MAP3K20: variants seen among roughly 807,000 people sequenced by gnomAD.
MAP3K20 encodes HCCS-4.
A neutral mutation model predicts 85.7 loss-of-function variants in MAP3K20; 40 were observed. That is an observed-to-expected ratio of 0.47 (90% confidence interval 0.36 to 0.61). The LOEUF is 0.61. Ranked by LOEUF, MAP3K20 falls within the 20% of genes least tolerant of loss-of-function variation. The probability of loss-of-function intolerance (pLI) is 0.00; values close to 1 mark genes in which losing one functional copy is unlikely to be tolerated. For missense variants in MAP3K20, 817 were observed against 961.7 expected, an observed-to-expected ratio of 0.85 and a Z score of 1.99; for synonymous variants, 325 against 327.7, an observed-to-expected ratio of 0.99 and a Z score of 0.09.
intron 3 of MAP3K20, among the ~76,000 whole-genome samples, 173 bp from the exon 4 acceptor site, chr2:173,182,681 A>G (rs1199853343): frequency 6.6e-6 from 1 of 152,136 alleles, no homozygotes; most frequent in Admixed American, 6.6e-5. Context: ...TGTTTGACAG[A>G]TATTTTTCTG....
At chr2:173,099,859 C>A (rs755768493) in intron 2 of MAP3K20, among the ~76,000 whole-genome samples, 55 of 152,128 alleles carry the variant, frequency 3.6e-4, no homozygotes, top group Non-Finnish European at 6.3e-4. Context: ...AATGATAGTA[C>A]CCACATCATA....
intron 2 of MAP3K20, among the ~76,000 whole-genome samples, chr2:173,144,932 A>G (rs984003012): frequency 1.2e-4 from 19 of 152,244 alleles, no homozygotes; most frequent in Admixed American, 1.2e-3. Flanking sequence ...AGACCCAGAC[A>G]TATTATAATC....
intron 2 of MAP3K20, among the ~76,000 whole-genome samples, chr2:173,129,626 G>C (rs1175023806): frequency 6.6e-6 from 1 of 152,226 alleles, no homozygotes; most frequent in Non-Finnish European, 1.5e-5. Context: ...TGGGATCTGA[G>C]TCCTGGTCTG....
intron 2 of MAP3K20, among the ~76,000 whole-genome samples, chr2:173,127,902 G>C (rs1574038294): frequency 1.3e-5 from 2 of 152,192 alleles, no homozygotes. Context: ...TTATTGCCAG[G>C]ACGCAGGTGA....
At chr2:173,113,305 C>G (rs1304366675) in intron 2 of MAP3K20, among the ~76,000 whole-genome samples, 1 of 151,784 alleles carries the variant, frequency 6.6e-6, no homozygotes, top group Non-Finnish European at 1.5e-5. Context: ...TTAATCTTGC[C>G]AATGGTCTAT....
chr2:173,137,690 A>T (rs1476679923), intron 2 of MAP3K20, among the ~76,000 whole-genome samples: 1 of 152,196 alleles, frequency 6.6e-6, no homozygotes, highest in Non-Finnish European at 1.5e-5. Flanking sequence ...CAAAAAAGAA[A>T]AGGGAATCTA....
chr2:173,222,714 G>T, intron 11 of MAP3K20: 1 of 985,376 alleles, frequency 1.0e-6, no homozygotes, highest in Non-Finnish European at 1.2e-6. Flanking sequence ...CAAAAGCACA[G>T]GTCCTTTCCA....
At chr2:173,242,823 C>T (rs1350397707) in intron 16 of MAP3K20, among the ~76,000 whole-genome samples, 1 of 150,470 alleles carries the variant, frequency 6.6e-6, no homozygotes, top group African/African-American at 2.4e-5. Context: ...TCTCCTGCCT[C>T]AGCCTCCTGA....
intron 16 of MAP3K20, among the ~76,000 whole-genome samples, chr2:173,249,857 G>A (rs2106346305): frequency 6.6e-6 from 1 of 152,274 alleles, no homozygotes; most frequent in Admixed American, 6.5e-5. Flanking sequence ...AGTCAAGTGT[G>A]TAATGCATCA....
At chr2:173,146,287 G>A (rs1338815694) in intron 2 of MAP3K20, among the ~76,000 whole-genome samples, 1 of 151,752 alleles carries the variant, frequency 6.6e-6, no homozygotes, top group Non-Finnish European at 1.5e-5. Context: ...CTTTTAGAGG[G>A]ATTCTCCAGA....
At chr2:173,134,405 TATATA>T (rs1688721165) in intron 2 of MAP3K20, among the ~76,000 whole-genome samples, 2 of 9,700 alleles carry the variant, frequency 2.1e-4, no homozygotes, top group Non-Finnish European at 5.0e-4. Context: ...TATATATATA[TATATA>T]TATATATATA....
chr2:173,155,922 C>G (rs770912946), intron 2 of MAP3K20, among the ~76,000 whole-genome samples: 1 of 152,108 alleles, frequency 6.6e-6, no homozygotes, highest in Non-Finnish European at 1.5e-5. Context: ...GCCACTATAC[C>G]CAGCTTAAAA....
At chr2:173,098,856 C>T (rs957331085) in intron 2 of MAP3K20, among the ~76,000 whole-genome samples, 1 of 152,188 alleles carries the variant, frequency 6.6e-6, no homozygotes, top group Non-Finnish European at 1.5e-5. Flanking sequence ...CATTAAGCAT[C>T]ACCTGAGAAT....
chr2:173,152,567 C>CT (rs1045372363), intron 2 of MAP3K20, among the ~76,000 whole-genome samples: 35 of 152,134 alleles, frequency 2.3e-4, no homozygotes, highest in African/African-American at 8.2e-4. Flanking sequence ...TAAAGGAGCC[C>CT]TTTTAAAAAA....
intron 9 of MAP3K20, 106 bp from the exon 10 acceptor site, chr2:173,209,623 G>C: frequency 1.2e-6 from 1 of 851,796 alleles, no homozygotes; most frequent in Non-Finnish European, 1.8e-6. Flanking sequence ...GTTTTATTTT[G>C]TTATGGTGGG....
At chr2:173,236,325 G>C (rs531435308) in intron 14 of MAP3K20, among the ~76,000 whole-genome samples, 13 of 147,352 alleles carry the variant, frequency 8.8e-5, no homozygotes, top group East Asian at 4.0e-4. Context: ...TAAGCTTGCA[G>C]AGAAGCCAAG....
chr2:173,142,883 C>A (rs891977254), intron 2 of MAP3K20, among the ~76,000 whole-genome samples: 4 of 152,016 alleles, frequency 2.6e-5, no homozygotes, highest in Non-Finnish European at 5.9e-5. Context: ...AAGATCCAGC[C>A]AGGCACAGTG....
intron 2 of MAP3K20, among the ~76,000 whole-genome samples, chr2:173,130,424 G>A (rs879318184): frequency 2.6e-5 from 4 of 152,146 alleles, no homozygotes; most frequent in Non-Finnish European, 4.4e-5. Context: ...GAAACAAAAA[G>A]GGTAATGAGA....
chr2:173,132,654 T>C (rs1347988), intron 2 of MAP3K20, among the ~76,000 whole-genome samples: 104,989 of 151,960 alleles, frequency 0.69, 36,924 homozygotes, highest in Non-Finnish European at 0.75. Context: ...AGATATGTAG[T>C]GTGGTGTTAA....
Sources: allele counts gnomAD v4.1 joint callset (sites outside exome capture counted in the v4.1 genomes callset), GRCh38; gene constraint gnomAD v4.1.1; transcripts MANE v1.5; gene names NCBI Gene and HGNC (gene_info 2026-07-23, HGNC 2026-07-21).